The following CTNNA3 variants were observed in gnomAD, a reference collection of about 807,000 sequenced individuals.
The protein encoded by CTNNA3 is catenin alpha 3, also known as catenin alpha-3.
In CTNNA3, 76 loss-of-function variants were observed where a neutral mutation model predicts 95.7. That is an observed-to-expected ratio of 0.79 (90% CI 0.66 to 0.96). The LOEUF is 0.96. Ranked by LOEUF, CTNNA3 falls within the 40% of genes least tolerant of loss-of-function variation. CTNNA3 has a pLI of 0.00. For synonymous variants in CTNNA3, 431 were observed against 374.4 expected, an observed-to-expected ratio of 1.15 and a Z score of -1.74; for missense variants, 1,191 against 1,089.8, an observed-to-expected ratio of 1.09 and a Z score of -1.31.
intron 15 of CTNNA3, among the ~76,000 whole-genome samples, chr10:66,051,027 C>T (rs1188241572): frequency 1.3e-5 from 2 of 151,874 alleles, no homozygotes; most frequent in Admixed American, 6.6e-5. Context: ...CTAATATTTC[C>T]TTTTTATTTT....
chr10:66,718,482 C>CA (rs1254126202), intron 9 of CTNNA3, among the ~76,000 whole-genome samples: 1 of 151,926 alleles, frequency 6.6e-6, no homozygotes, highest in Non-Finnish European at 1.5e-5. Flanking sequence ...CTATTTTACT[C>CA]AAAATTAACA....
chr10:66,276,055 T>A (rs906037492), intron 13 of CTNNA3, among the ~76,000 whole-genome samples: 1 of 152,182 alleles, frequency 6.6e-6, no homozygotes, highest in Admixed American at 6.6e-5. Flanking sequence ...TAAAAACAAT[T>A]AATGTAAACT....
intron 7 of CTNNA3, among the ~76,000 whole-genome samples, chr10:66,867,338 T>G (rs1844219013): frequency 6.6e-6 from 1 of 152,216 alleles, no homozygotes; most frequent in African/African-American, 2.4e-5. Context: ...GCTTTTATTT[T>G]GTTTCTATTG....
rs180706326 is a variant in CTNNA3, at chr10:66,657,043, G to A, written c.1282-35259C>T. ...GAAGTTTTTCTCTGAGTAGAGGTCA[G>A]TGTTTCTGATGCAGTGCCAGTTTTA... On this transcript the variant is annotated intron_variant, in intron 9 of 17. Transcript: ENST00000433211. 1.7e-3 allele frequency among the ~76,000 whole-genome samples: 259 copies of A among 152,136 alleles called. 1 individual carries two copies. Among genetic ancestry groups the A allele is most frequent in the African/African-American group, 6.0e-3 (251 of 41,542 alleles).
chr10:67,333,002 G>T (rs760863205), intron 5 of CTNNA3, among the ~76,000 whole-genome samples: 1 of 152,186 alleles, frequency 6.6e-6, no homozygotes, highest in Non-Finnish European at 1.5e-5. Flanking sequence ...CAACAAAAAT[G>T]TAGAAAGGAA....
At chr10:66,958,029 G>A (rs1475169184) in intron 7 of CTNNA3, among the ~76,000 whole-genome samples, 1 of 151,862 alleles carries the variant, frequency 6.6e-6, no homozygotes. Flanking sequence ...AGAACTAGAG[G>A]GGCCAAAAGC....
At chr10:67,058,881 A>G (rs1464938444) in intron 7 of CTNNA3, among the ~76,000 whole-genome samples, 4 of 152,210 alleles carry the variant, frequency 2.6e-5, no homozygotes, top group African/African-American at 4.8e-5. Flanking sequence ...GAAGATACTT[A>G]GTATGACTAC....
At chr10:66,533,126 CT>C (rs1841528541) in intron 10 of CTNNA3, among the ~76,000 whole-genome samples, 1 of 152,092 alleles carries the variant, frequency 6.6e-6, no homozygotes, top group South Asian at 2.1e-4. Flanking sequence ...AGTCAAAGTA[CT>C]TAATTTAGCC....
At chr10:66,642,279 A>ACACAC (rs1554828894) in intron 9 of CTNNA3, among the ~76,000 whole-genome samples, 1,376 of 61,398 alleles carry the variant, frequency 0.022, 18 homozygotes, top group Middle Eastern at 0.031. Flanking sequence ...CACACACACA[A>ACACAC]ACACACACAC....
intron 13 of CTNNA3, among the ~76,000 whole-genome samples, chr10:66,222,629 A>AAC: frequency 1.1e-5 from 1 of 90,954 alleles, no homozygotes; most frequent in Middle Eastern, 6.5e-3. Context: ...AGAAAAAGAA[A>AAC]GAAAGAAAGA....
intron 13 of CTNNA3, among the ~76,000 whole-genome samples, chr10:66,194,397 T>A (rs1049574767): frequency 2.6e-5 from 4 of 152,016 alleles, no homozygotes; most frequent in African/African-American, 9.7e-5. Context: ...CTGGCCAACA[T>A]GGCAAAAGCC....
At chr10:67,064,532 T>A (rs1352747361) in intron 7 of CTNNA3, among the ~76,000 whole-genome samples, 2 of 152,210 alleles carry the variant, frequency 1.3e-5, no homozygotes, top group Non-Finnish European at 2.9e-5. Flanking sequence ...TCAGCAAGCT[T>A]TCTCTATAAC....
intron 15 of CTNNA3, among the ~76,000 whole-genome samples, chr10:66,056,699 A>T (rs1589302893): frequency 6.6e-6 from 1 of 152,156 alleles, no homozygotes; most frequent in African/African-American, 2.4e-5. Context: ...TAATATCTCA[A>T]TACTTGTTAT....
intron 13 of CTNNA3, among the ~76,000 whole-genome samples, chr10:66,246,510 G>A (rs980760462): frequency 1.4e-4 from 21 of 152,114 alleles, no homozygotes; most frequent in African/African-American, 5.1e-4. Flanking sequence ...GCTGCAGCTG[G>A]CATGATGGCA....
At chr10:66,113,440 T>C (rs1435422095) in intron 13 of CTNNA3, among the ~76,000 whole-genome samples, 7 of 152,166 alleles carry the variant, frequency 4.6e-5, no homozygotes, top group Admixed American at 3.9e-4. Context: ...AGAAAATCTA[T>C]GGTAAGTGAC....
intron 12 of CTNNA3, among the ~76,000 whole-genome samples, chr10:66,327,046 C>T (rs2092262700): frequency 1.3e-5 from 2 of 151,930 alleles, no homozygotes; most frequent in South Asian, 4.2e-4. Context: ...ATAATCAAGC[C>T]CCTAGGGTGT....
At chr10:67,215,591 T>G (rs1864321880) in intron 6 of CTNNA3, among the ~76,000 whole-genome samples, 1 of 152,128 alleles carries the variant, frequency 6.6e-6, no homozygotes, top group Non-Finnish European at 1.5e-5. Context: ...TGACCCAAAG[T>G]CCAGATAAGG....
chr10:66,398,635 T>A (rs1337000315), intron 11 of CTNNA3, among the ~76,000 whole-genome samples: 1 of 151,802 alleles, frequency 6.6e-6, no homozygotes, highest in Non-Finnish European at 1.5e-5. Context: ...AGGTACAGTA[T>A]GGAAAAGATA....
chr10:67,362,957 C>T (rs11516605), intron 5 of CTNNA3, among the ~76,000 whole-genome samples: 2,572 of 152,036 alleles, frequency 0.017, 68 homozygotes, highest in African/African-American at 0.059. Flanking sequence ...TTTCTATACA[C>T]CAATAACACT....
Sources: gnomAD v4.1 joint callset for allele counts (sites outside exome capture counted in the v4.1 genomes callset) on GRCh38, gnomAD v4.1.1 for gene constraint, MANE v1.5 for transcripts, NCBI Gene and HGNC (gene_info 2026-07-23, HGNC 2026-07-21) for gene names.